The following SLC30A6 variants were observed in gnomAD, a reference collection of about 807,000 sequenced individuals.
SLC30A6 encodes the protein solute carrier family 30 member 6, also known as zinc transporter 6.
In SLC30A6, 55 loss-of-function variants were observed where a neutral mutation model predicts 63.0. The ratio of observed to expected loss-of-function variants is 0.87; its 90% CI spans 0.70 to 1.09. The LOEUF (loss-of-function observed/expected upper bound fraction) is 1.09, where lower values mean the gene tolerates loss of function less well. Ranked by LOEUF, SLC30A6 falls within the 50% of genes least tolerant of loss-of-function variation. SLC30A6 has a pLI of 0.00. For missense variants in SLC30A6, 587 were observed against 549.2 expected, an observed-to-expected ratio of 1.07 and a Z score of -0.69; for synonymous variants, 224 against 186.1, an observed-to-expected ratio of 1.20 and a Z score of -1.66.
chr2:32,195,260 GT>G (rs1160321728), intron 8 of SLC30A6, among the ~76,000 whole-genome samples: 1 of 152,050 alleles, frequency 6.6e-6, no homozygotes, highest in Admixed American at 6.6e-5. Flanking sequence ...CAGAGACGGG[GT>G]TTCCCCATGT....
At chr2:32,174,797 C>A (rs1464117798) in intron 3 of SLC30A6, among the ~76,000 whole-genome samples, 1 of 151,970 alleles carries the variant, frequency 6.6e-6, no homozygotes. Context: ...TATGATCCAC[C>A]CGCCTCAGCC....
At chr2:32,196,281 C>T (rs1241630470) in intron 8 of SLC30A6, among the ~76,000 whole-genome samples, 1 of 151,920 alleles carries the variant, frequency 6.6e-6, no homozygotes, top group African/African-American at 2.4e-5. Flanking sequence ...CGTCATTGCA[C>T]TCCTGCCTGG....
At chr2:32,202,973 G>A (rs371066487) in intron 10 of SLC30A6, 29 of 1,141,080 alleles carry the variant, frequency 2.5e-5, no homozygotes, top group South Asian at 1.3e-4. Context: ...CTGAAGGGAC[G>A]GCTATTATTT....
chr2:32,204,516 A>G lies in SLC30A6; in HGVS notation c.666-74A>G. The G allele has an allele frequency of 4.3e-6, 4 of 941,010 alleles. 1 individual carries two copies. The highest frequency in any genetic ancestry group is 6.5e-6 in the Non-Finnish European group (4 of 613,194). The allele number at this position is 941,010 out of a possible 1,614,324, so 58.3% of individuals were successfully genotyped here. On this transcript the variant is annotated intron_variant, in intron 10 of 13. Coordinates refer to ENST00000282587, the MANE Select transcript of SLC30A6 (RefSeq NM_017964.5). ...TCAGTCCTGTTGCTTTAGATAATTAATGTTCAGGAGATTTAATTGTAATAT... is the reference window on the plus strand; with the variant it reads ...TCAGTCCTGTTGCTTTAGATAATTAGTGTTCAGGAGATTTAATTGTAATAT...
intron 1 of SLC30A6, among the ~76,000 whole-genome samples, chr2:32,169,507 G>A (rs930474005): frequency 5.3e-5 from 8 of 152,256 alleles, no homozygotes; most frequent in South Asian, 4.1e-4. Flanking sequence ...GGCTGGGTGC[G>A]GTGGCTCACG....
intron 4 of SLC30A6, among the ~76,000 whole-genome samples, chr2:32,178,647 C>T (rs1682009265): frequency 6.6e-6 from 1 of 152,188 alleles, no homozygotes. Context: ...CATTGCACTC[C>T]AGCCTGGACA....
rs1267141199 is a variant in SLC30A6, at chr2:32,220,732, TA to T, written c.*20del. 1 of 1,590,762 alleles carries T rather than the reference TA, an allele frequency of 6.3e-7. No individual in the cohort carries two copies. Among genetic ancestry groups the T allele is most frequent in the South Asian group, 1.1e-5 (1 of 88,282 alleles). On this transcript the variant is annotated 3_prime_UTR_variant, in exon 14 of 14. Coordinates refer to ENST00000282587, the MANE Select transcript of SLC30A6 (RefSeq NM_017964.5). ...ACCATGATAGACTCTAACTTATTTTTATAAGGAATATTGACTCCTTGGCTTC... is the reference window on the plus strand; with the variant it reads ...ACCATGATAGACTCTAACTTATTTTTTAAGGAATATTGACTCCTTGGCTTC...
intron 1 of SLC30A6, among the ~76,000 whole-genome samples, chr2:32,169,532 A>C (rs1294570185): frequency 2.6e-5 from 4 of 152,174 alleles, no homozygotes; most frequent in African/African-American, 9.6e-5. Flanking sequence ...TAATCCCAGC[A>C]CTTTGGGAGG....
chr2:32,167,923 T>G (rs1680827565), intron 1 of SLC30A6, among the ~76,000 whole-genome samples: 3 of 152,224 alleles, frequency 2.0e-5, no homozygotes, highest in African/African-American at 4.8e-5. Flanking sequence ...AGTTGTGTAC[T>G]TATTTGTCTT....
At chr2:32,212,331 A>T (rs2148900202) in intron 13 of SLC30A6, among the ~76,000 whole-genome samples, 1 of 151,972 alleles carries the variant, frequency 6.6e-6, no homozygotes, top group East Asian at 1.9e-4. Flanking sequence ...TCTGACATGT[A>T]GTTTTATCTG....
In SLC30A6 at chr2:32,204,666, G is replaced by T; in HGVS notation, c.742G>T (p.Val248Leu). Reference protein sequence around the residue: ...MTFGTMYPMSVYSGKVLLQTT... With the variant: ...MTFGTMYPMSLYSGKVLLQTT... ...ATTTGGCACTATGTATCCCATGAGT[G>T]TGTACAGTGGGAAAGTCTTACTCCA... Residue 248 changes from valine (V) to leucine (L), a missense_variant, in exon 11 of 14, where the codon GTG becomes TTG. Coordinates refer to ENST00000282587, the MANE Select transcript of SLC30A6 (RefSeq NM_017964.5). 1.2e-6 allele frequency: 2 copies of T among 1,610,178 alleles called. No homozygotes were observed. The highest frequency in any genetic ancestry group is 8.5e-7 in the Non-Finnish European group (1 of 1,177,406).
intron 4 of SLC30A6, among the ~76,000 whole-genome samples, chr2:32,182,605 C>G (rs17011863): frequency 0.084 from 12,726 of 152,240 alleles, 600 homozygotes; most frequent in Middle Eastern, 0.12. Flanking sequence ...CTCTTTATCT[C>G]TCATCTCTGT....
At chr2:32,208,261 G>T (rs1684954512) in intron 12 of SLC30A6, among the ~76,000 whole-genome samples, 1 of 151,584 alleles carries the variant, frequency 6.6e-6, no homozygotes, top group Admixed American at 6.6e-5. Flanking sequence ...CTCCTGAGTA[G>T]CTGGGATTAC....
chr2:32,202,999 G>A lies in SLC30A6; in HGVS notation c.666-1591G>A, dbSNP rs1684427038. On this transcript the variant is annotated intron_variant, in intron 10 of 13. Transcript: ENST00000282587. ...GCTATTATTTTCTGTGAGACCCAGA[G>A]GAGTGTAACTGAAATAGCCATGAAT... is the stretch of plus-strand genomic sequence containing the variant. 3.5e-6 allele frequency: 4 copies of A among 1,149,202 alleles called. No individual in the cohort carries two copies. The South Asian group carries it at 3.7e-5, about 11-fold the overall frequency. The allele number at this position is 1,149,202 out of a possible 1,614,324, so 71.2% of individuals were successfully genotyped here.
intron 1 of SLC30A6, 121 bp downstream of exon 1, chr2:32,166,024 G>C (rs1680612160): frequency 1.4e-6 from 2 of 1,440,068 alleles, no homozygotes; most frequent in African/African-American, 2.8e-5. Flanking sequence ...GTTGAAGTCG[G>C]GCCCCTTGGC....
chr2:32,200,689 C>A (rs1231277082), intron 10 of SLC30A6, among the ~76,000 whole-genome samples: 4 of 151,874 alleles, frequency 2.6e-5, no homozygotes. Context: ...ACTCCCTAAT[C>A]TCAAGTACCC....
intron 2 of SLC30A6, 116 bp downstream of exon 2, chr2:32,171,489 T>A (rs758395125): frequency 2.9e-6 from 2 of 701,506 alleles, no homozygotes; most frequent in Non-Finnish European, 4.7e-6. Context: ...ACTGTTTTCA[T>A]TTTTCTATGT....
chr2:32,194,937 G>C (rs1360578450), intron 8 of SLC30A6, among the ~76,000 whole-genome samples: 1 of 152,094 alleles, frequency 6.6e-6, no homozygotes. Context: ...TCCCTGTAAA[G>C]ATCAGGGAGA....
At chr2:32,174,173 A>G in intron 3 of SLC30A6, 26 bp downstream of exon 3, 2 of 1,548,544 alleles carry the variant, frequency 1.3e-6, no homozygotes, top group Non-Finnish European at 1.8e-6. Context: ...ATTTTTATGG[A>G]GTTGTTATTT....
Sources: gnomAD v4.1 joint callset for allele counts (sites outside exome capture counted in the v4.1 genomes callset) on GRCh38, gnomAD v4.1.1 for gene constraint, MANE v1.5 for transcripts, NCBI Gene and HGNC (gene_info 2026-07-23, HGNC 2026-07-21) for gene names.